ARID1B: variants seen among roughly 807,000 people sequenced by gnomAD.
ARID1B encodes AT-rich interactive domain-containing protein 1B.
A neutral mutation model predicts 212.3 loss-of-function variants in ARID1B; 30 were observed. That is an observed-to-expected ratio of 0.14 (90% confidence interval 0.11 to 0.19). The LOEUF (loss-of-function observed/expected upper bound fraction) is 0.19. Among genes scored for constraint, ARID1B ranks in the 10% least tolerant of loss-of-function variants. The pLI, the probability that ARID1B is intolerant of heterozygous loss-of-function variation, is 1.00. For missense variants in ARID1B, 2,891 were observed against 3,204.0 expected (o/e 0.90, Z 2.36); for synonymous variants, 1,402 against 1,301.7 (o/e 1.08, Z -1.66).
chr6:156,848,090 G>A (rs1434754500), intron 2 of ARID1B, among the ~76,000 whole-genome samples: 1 of 152,206 alleles, frequency 6.6e-6, no homozygotes, highest in African/African-American at 2.4e-5. Flanking sequence ...TATAACTAAT[G>A]TCTGTGTTTC....
At chr6:157,098,228 A>G (rs1364162085) in intron 5 of ARID1B, among the ~76,000 whole-genome samples, 1 of 152,202 alleles carries the variant, frequency 6.6e-6, no homozygotes, top group South Asian at 2.1e-4. Context: ...ACCTTACATC[A>G]AAGCGAGGAT....
At chr6:156,867,270 G>C (rs920410822) in intron 2 of ARID1B, among the ~76,000 whole-genome samples, 4 of 152,230 alleles carry the variant, frequency 2.6e-5, no homozygotes. Flanking sequence ...ACCATAGGCA[G>C]TTAGGTACTG....
At chr6:157,091,875 G>A (rs891294962) in intron 5 of ARID1B, among the ~76,000 whole-genome samples, 2 of 152,146 alleles carry the variant, frequency 1.3e-5, no homozygotes, top group Non-Finnish European at 2.9e-5. Context: ...GGCATTTCTT[G>A]TACTGACAGA....
chr6:156,782,354 TAGG>T lies in ARID1B; in HGVS notation c.1791+2886_1791+2888del, dbSNP rs1381351502. Among the ~76,000 whole-genome samples the T allele has an allele frequency of 2.0e-5, 3 of 152,068 alleles. No individual in the cohort carries two copies. The East Asian group carries it at 5.8e-4, about 29-fold the overall frequency. ...ATTGGGACAAAACGTGTATATATTA[TAGG>T]AGAAGGGTCTTTTTAAAAAGTGAAA... On this transcript the variant is annotated intron_variant, in intron 1 of 19. Coordinates refer to ENST00000636930, the MANE Select transcript of ARID1B (RefSeq NM_001374828.1).
chr6:157,037,985 T>C (rs535526415), intron 4 of ARID1B, among the ~76,000 whole-genome samples: 1 of 152,360 alleles, frequency 6.6e-6, no homozygotes, highest in South Asian at 2.1e-4. Context: ...AATTATAATC[T>C]TCCAGACCTG....
At chr6:156,806,856 A>G (rs1781196325) in intron 1 of ARID1B, among the ~76,000 whole-genome samples, 1 of 152,236 alleles carries the variant, frequency 6.6e-6, no homozygotes, top group Non-Finnish European at 1.5e-5. Flanking sequence ...AGCTCCGCTG[A>G]GGCAGTGCTG....
rs1456183713 is a variant in ARID1B at position 157,039,706 on chromosome 6, C to CT, written c.2248-44953dup. On this transcript the variant is annotated intron_variant, in intron 4 of 19. Transcript: ENST00000636930. ...CCTTCCTTCCTTCCTTCTTTCTTTC[C>CT]TTTCTTTCCTTCCTTTCTTTCTTTC... Among the ~76,000 whole-genome samples the CT allele has an allele frequency of 1.1e-4, 7 of 61,520 alleles. No homozygotes were observed. In the Admixed American group the frequency reaches 1.3e-3, roughly 11 times the overall value. The allele number at this position is 61,520 out of a possible 152,430, so 40.4% of individuals were successfully genotyped here. A position where few individuals can be genotyped will look rare whatever the true frequency, so the allele number is the denominator to read the frequency against.
At chr6:156,959,169 T>C (rs550861279) in intron 4 of ARID1B, among the ~76,000 whole-genome samples, 1 of 152,330 alleles carries the variant, frequency 6.6e-6, no homozygotes, top group South Asian at 2.1e-4. Context: ...AGTATCATTC[T>C]GTTTGGGAAG....
intron 3 of ARID1B, among the ~76,000 whole-genome samples, chr6:156,907,147 T>G (rs1391366779): frequency 6.6e-6 from 1 of 152,254 alleles, no homozygotes; most frequent in Admixed American, 6.5e-5. Context: ...TGGCTGTTCC[T>G]GTGTTATCCC....
At chr6:157,071,087 A>G (rs569641540) in intron 4 of ARID1B, 3 of 152,348 alleles carry the variant, frequency 2.0e-5, no homozygotes, top group African/African-American at 4.8e-5. Flanking sequence ...AGTAACATTT[A>G]CCAGTCTTCG....
chr6:157,174,377 C>T (rs1047955690), intron 10 of ARID1B: 7 of 344,604 alleles, frequency 2.0e-5, no homozygotes, highest in Non-Finnish European at 3.2e-5. Context: ...AAGAAAAATG[C>T]TTCGGGGTGG....
rs1166704146 is a variant in ARID1B at position 156,778,186 on chromosome 6, A to ACCACCACCATGC, written c.516_527dup (p.Ala173_His176dup). 6.5e-7 allele frequency: 1 copy of ACCACCACCATGC among 1,539,266 alleles called. No individual in the cohort carries two copies. Among genetic ancestry groups the ACCACCACCATGC allele is most frequent in the Non-Finnish European group, 8.7e-7 (1 of 1,145,754 alleles). On this transcript the variant is annotated inframe_insertion, in exon 1 of 20. Transcript: ENST00000636930. ...GCGCCGCCCCACCAGCAGCACCACC[A>ACCACCACCATGC]CCACCACCATGCCCACCACCACCAC...
At chr6:157,126,018 A>G (rs1788114002) in intron 6 of ARID1B, among the ~76,000 whole-genome samples, 1 of 152,222 alleles carries the variant, frequency 6.6e-6, no homozygotes, top group East Asian at 1.9e-4. Context: ...TCTTATTCCT[A>G]CCACAGTTCC....
intron 4 of ARID1B, among the ~76,000 whole-genome samples, chr6:156,977,339 C>G (rs181292991): frequency 6.6e-6 from 1 of 150,564 alleles, no homozygotes; most frequent in Non-Finnish European, 1.5e-5. Flanking sequence ...TAGACCTACC[C>G]TGAAGTCTCT....
chr6:157,077,640 A>G (rs183369961), intron 4 of ARID1B, among the ~76,000 whole-genome samples: 56 of 152,230 alleles, frequency 3.7e-4, no homozygotes, highest in African/African-American at 1.2e-3. Flanking sequence ...GTCCCTGGAC[A>G]TTTACCCGTC....
At chr6:156,878,452 G>A (rs1392498612) in intron 2 of ARID1B, among the ~76,000 whole-genome samples, 1 of 152,164 alleles carries the variant, frequency 6.6e-6, no homozygotes, top group Non-Finnish European at 1.5e-5. Flanking sequence ...CTGGCATCCT[G>A]GTGGCAGACA....
At chr6:156,930,590 C>T (rs981214260) in intron 3 of ARID1B, among the ~76,000 whole-genome samples, 15 of 152,094 alleles carry the variant, frequency 9.9e-5, no homozygotes, top group African/African-American at 3.4e-4. Context: ...AAGATATATG[C>T]GTAAGGATGC....
chr6:156,941,184 C>G (rs1027411430), intron 4 of ARID1B: 3 of 152,106 alleles, frequency 2.0e-5, no homozygotes, highest in Non-Finnish European at 4.4e-5. Flanking sequence ...TATCAGTATT[C>G]TCAAAATGTT....
intron 6 of ARID1B, among the ~76,000 whole-genome samples, chr6:157,131,216 C>G (rs1310417761): frequency 6.6e-6 from 1 of 152,182 alleles, no homozygotes; most frequent in East Asian, 1.9e-4. Flanking sequence ...TTAACCACCA[C>G]GTCCCACACG....
Sources: gnomAD v4.1 joint callset for allele counts (sites outside exome capture counted in the v4.1 genomes callset) on GRCh38, gnomAD v4.1.1 for gene constraint, MANE v1.5 for transcripts, NCBI Gene and HGNC (gene_info 2026-07-23, HGNC 2026-07-21) for gene names.